Variants in ADAM10 observed in about 807,000 individuals in gnomAD.
ADAM10 encodes the protein ADAM metallopeptidase domain 10, also known as disintegrin and metalloproteinase domain-containing protein 10.
A neutral mutation model predicts 90.1 loss-of-function variants in ADAM10; 17 were observed. That is an observed-to-expected ratio of 0.19 (90% CI 0.13 to 0.28). The LOEUF (loss-of-function observed/expected upper bound fraction) is 0.28, where lower values mean the gene tolerates loss of function less well. Among genes scored for constraint, ADAM10 ranks in the 10% least tolerant of loss-of-function variants. ADAM10 has a pLI of 1.00. For synonymous variants in ADAM10, 310 were observed against 298.6 expected, an observed-to-expected ratio of 1.04 and a Z score of -0.40; for missense variants, 610 against 914.3, an observed-to-expected ratio of 0.67 and a Z score of 4.29.
Position 58,592,394 on chromosome 15 carries a change from A to G in ADAM10, c.*5153T>C, listed in dbSNP as rs1269590903. Reference sequence around the variant, plus strand: ...AACTCACAGAGTTAAATACAATACTATGAGTTTCAATCTCTTGCAGATATT... The same window carrying G: ...AACTCACAGAGTTAAATACAATACTGTGAGTTTCAATCTCTTGCAGATATT... On this transcript the variant is annotated 3_prime_UTR_variant, in exon 16 of 16. Coordinates refer to ENST00000260408, the MANE Select transcript of ADAM10 (RefSeq NM_001110.4). The G allele has an allele frequency of 1.3e-5, 2 of 152,228 alleles. No homozygotes were observed. Among genetic ancestry groups the G allele is most frequent in the African/African-American group, 4.8e-5 (2 of 41,460 alleles). The allele number at this position is 152,228 out of a possible 1,614,324, so 9.4% of individuals were successfully genotyped here.
rs1402847865 is a variant in ADAM10 at position 58,594,370 on chromosome 15, A to G, written c.*3177T>C. On this transcript the variant is annotated 3_prime_UTR_variant, in exon 16 of 16. Transcript: ENST00000260408. ...AGGACACCAATCCCATCTTTAAGAA[A>G]TAATAATAATTAGGTCTTACTACAG... 1.3e-5 allele frequency: 2 copies of G among 152,236 alleles called. No homozygotes were observed. The highest frequency in any genetic ancestry group is 1.3e-4 in the Admixed American group (2 of 15,282). The allele number at this position is 152,236 out of a possible 1,614,324, so 9.4% of individuals were successfully genotyped here.
intron 11 of ADAM10, among the ~76,000 whole-genome samples, chr15:58,612,465 G>A (rs1383256185): frequency 2.0e-5 from 3 of 152,154 alleles, no homozygotes; most frequent in Admixed American, 6.5e-5. Context: ...CTGAGCTGCT[G>A]AGACACCCTT....
chr15:58,705,095 A>C (rs116242919), intron 2 of ADAM10, among the ~76,000 whole-genome samples: 403 of 152,314 alleles, frequency 2.6e-3, no homozygotes, highest in African/African-American at 9.1e-3. Context: ...TACCACAAAA[A>C]ACTCTCTTTG....
At chr15:58,672,478 G>C (rs1897215860) in intron 4 of ADAM10, 1 of 152,414 alleles carries the variant, frequency 6.6e-6, no homozygotes, top group Middle Eastern at 3.4e-3. Flanking sequence ...AAAATCTGAA[G>C]ACATGGCAAA....
In ADAM10 at chr15:58,716,287, C is replaced by T. The variant is rs575853060; in HGVS notation, c.206+1290G>A. Among the ~76,000 whole-genome samples, 15 of 152,134 alleles carry T rather than the reference C, an allele frequency of 9.9e-5. No individual in the cohort carries two copies. The South Asian group carries it at 2.9e-3, about 29-fold the overall frequency. ...ATAATACCAAATAGTAGCCAGGATG[C>T]CTGCTGTGAGGAACAGAAAACACGG... On this transcript the variant is annotated intron_variant, in intron 2 of 15. Transcript: ENST00000260408.
intron 1 of ADAM10, among the ~76,000 whole-genome samples, chr15:58,737,233 G>A (rs1275524460): frequency 1.3e-5 from 2 of 151,918 alleles, no homozygotes; most frequent in African/African-American, 4.8e-5. Context: ...CCAGAAAATT[G>A]GTATCTGTTC....
At chr15:58,655,710 A>AT (rs1566982335) in intron 5 of ADAM10, among the ~76,000 whole-genome samples, 4 of 44,202 alleles carry the variant, frequency 9.0e-5, no homozygotes, top group African/African-American at 1.3e-4. Context: ...ATATATATAT[A>AT]GTATATATAT....
intron 2 of ADAM10, among the ~76,000 whole-genome samples, chr15:58,714,603 T>A (rs1044989632): frequency 4.6e-5 from 7 of 152,102 alleles, no homozygotes; most frequent in Non-Finnish European, 7.4e-5. Context: ...TACAAGATAG[T>A]ACACATCTTA....
At chr15:58,693,853 A>C (rs1897897691) in intron 2 of ADAM10, among the ~76,000 whole-genome samples, 2 of 152,054 alleles carry the variant, frequency 1.3e-5, no homozygotes, top group African/African-American at 2.4e-5. Flanking sequence ...ATATCTTTTT[A>C]AAAACCTCTT....
At position 58,717,591 on chromosome 15, in the gene ADAM10, G is replaced by C. The variant is rs1898704827; in HGVS notation, c.192C>G (p.Phe64Leu). 1.2e-6 allele frequency: 2 copies of C among 1,613,868 alleles called. No homozygotes were observed. Among genetic ancestry groups the C allele is most frequent in the Non-Finnish European group, 1.7e-6 (2 of 1,179,912 alleles). Residue 64 changes from phenylalanine (F) to leucine (L), a missense_variant, in exon 2 of 16, where the codon TTC (phenylalanine) becomes TTG (leucine). Phe to Leu is a conservative substitution (Grantham distance 22). This residue lies in a region of ADAM10 where 310 missense variants were observed against 362.4 expected (regional missense o/e 0.86). Coordinates refer to ENST00000260408, the MANE Select transcript of ADAM10 (RefSeq NM_001110.4). ...AATTTACTTACCTTCCATGGGCATG[G>C]AAATCTAGACGTAAAAATTGGTCTT... ...SHEDQFLRLD[F>L]HAHGRHFNLR...
At chr15:58,707,210 C>G (rs371335709) in intron 2 of ADAM10, 4 of 151,114 alleles carry the variant, frequency 2.6e-5, no homozygotes, top group South Asian at 2.1e-4. Flanking sequence ...AGGGGAAACC[C>G]CCATCTCTAC....
At chr15:58,628,056 G>A (rs1272763898) in intron 9 of ADAM10, among the ~76,000 whole-genome samples, 173 bp from the exon 10 acceptor site, 1 of 152,140 alleles carries the variant, frequency 6.6e-6, no homozygotes, top group Admixed American at 6.5e-5. Context: ...GCTCTTTTAG[G>A]GGTCACTGTC....
At chr15:58,715,220 G>A (rs1398809947) in intron 2 of ADAM10, among the ~76,000 whole-genome samples, 2 of 151,798 alleles carry the variant, frequency 1.3e-5, no homozygotes, top group East Asian at 1.9e-4. Flanking sequence ...TCAGGAGTTC[G>A]AGACCAGCCT....
intron 8 of ADAM10, among the ~76,000 whole-genome samples, chr15:58,636,525 A>G (rs1223080943): frequency 6.6e-6 from 1 of 152,198 alleles, no homozygotes. Flanking sequence ...TACTATACAT[A>G]TATTTATCAC....
At chr15:58,687,917 G>A (rs1329078826) in intron 2 of ADAM10, among the ~76,000 whole-genome samples, 1 of 152,152 alleles carries the variant, frequency 6.6e-6, no homozygotes, top group Non-Finnish European at 1.5e-5. Flanking sequence ...GGATGAATGT[G>A]GCCATAAAGG....
chr15:58,702,589 T>G (rs1898166024), intron 2 of ADAM10, among the ~76,000 whole-genome samples: 1 of 152,216 alleles, frequency 6.6e-6, no homozygotes, highest in Admixed American at 6.5e-5. Flanking sequence ...TGTACAAGTA[T>G]TATGTATTTA....
At chr15:58,619,566 T>C (rs1895719008) in intron 11 of ADAM10, among the ~76,000 whole-genome samples, 2 of 152,202 alleles carry the variant, frequency 1.3e-5, no homozygotes, top group Non-Finnish European at 2.9e-5. Context: ...TATCAAAATA[T>C]CACATATACC....
intron 1 of ADAM10, among the ~76,000 whole-genome samples, chr15:58,734,568 C>T (rs1251570142): frequency 6.6e-6 from 1 of 152,086 alleles, no homozygotes; most frequent in African/African-American, 2.4e-5. Flanking sequence ...GGCACGGTGG[C>T]ATGCACCTGT....
chr15:58,605,561 T>C (rs1413920451), intron 14 of ADAM10, among the ~76,000 whole-genome samples: 2 of 152,200 alleles, frequency 1.3e-5, no homozygotes, highest in Non-Finnish European at 2.9e-5. Flanking sequence ...AAAATATGCA[T>C]TTCTCTCAAA....
Sources: allele counts gnomAD v4.1 joint callset (sites outside exome capture counted in the v4.1 genomes callset), GRCh38; gene constraint gnomAD v4.1.1; regional missense constraint gnomAD v4.1.1; transcripts MANE v1.5; gene names NCBI Gene and HGNC (gene_info 2026-07-23, HGNC 2026-07-21).